Variants in CEP63 observed in about 807,000 individuals in gnomAD.
The protein encoded by CEP63 is centrosomal protein 63.
In CEP63, 84 loss-of-function variants were observed where a neutral mutation model predicts 89.1. That is an observed-to-expected ratio of 0.94 (90% CI 0.79 to 1.13). The LOEUF is 1.13. Ranked by LOEUF, CEP63 falls within the 50% of genes most tolerant of loss-of-function variation. The pLI is 0.00. For missense variants in CEP63, 838 were observed against 813.3 expected, an observed-to-expected ratio of 1.03 and a Z score of -0.37; for synonymous variants, 267 against 272.5, an observed-to-expected ratio of 0.98 and a Z score of 0.20.
chr3:134,778,916 G>C, the CEP63 span, among the ~76,000 whole-genome samples: 1 of 152,128 alleles, frequency 6.6e-6, no homozygotes, highest in Admixed American at 6.6e-5. Context: ...CTTCTTATGT[G>C]GCTCCATGGT....
the CEP63 span, among the ~76,000 whole-genome samples, chr3:134,756,383 G>A: frequency 1.3e-5 from 2 of 152,168 alleles, no homozygotes; most frequent in Non-Finnish European, 2.9e-5. Context: ...TCACTCTGTT[G>A]CCCAGGCAGG....
the CEP63 span, among the ~76,000 whole-genome samples, chr3:134,614,292 T>C: frequency 1.1e-4 from 17 of 152,184 alleles, no homozygotes; most frequent in East Asian, 9.6e-4. Flanking sequence ...AGGAGATTTA[T>C]TTAATGACCT....
chr3:134,717,048 G>A, the CEP63 span, among the ~76,000 whole-genome samples: 21 of 152,298 alleles, frequency 1.4e-4, no homozygotes, highest in East Asian at 4.1e-3. Context: ...AAAAGGCAGA[G>A]GCTTAGACTA....
the CEP63 span, chr3:134,620,618 T>G: frequency 4.5e-6 from 3 of 659,792 alleles, no homozygotes; most frequent in East Asian, 5.5e-5. Context: ...GGTTCATCAG[T>G]CCAGTCTTCT....
At chr3:134,605,796 G>T in the CEP63 span, among the ~76,000 whole-genome samples, 1 of 151,966 alleles carries the variant, frequency 6.6e-6, no homozygotes, top group Admixed American at 6.5e-5. Flanking sequence ...CTAGGCTGCT[G>T]GCCTCCACGC....
chr3:134,758,450 A>G, the CEP63 span, among the ~76,000 whole-genome samples: 1 of 152,192 alleles, frequency 6.6e-6, no homozygotes, highest in African/African-American at 2.4e-5. Context: ...GGATGGCTTT[A>G]CAGCAACATT....
the CEP63 span, chr3:134,610,177 A>C: frequency 6.2e-7 from 1 of 1,606,380 alleles, no homozygotes; most frequent in African/African-American, 1.3e-5. Context: ...GCCCAGCAGA[A>C]CTGAGACAAG....
chr3:134,584,974 T>TTTTTTTTTTTTTTTTTTTTTTTTTG (rs1958451757), intron 10 of CEP63, among the ~76,000 whole-genome samples: 3 of 149,470 alleles, frequency 2.0e-5, no homozygotes, highest in African/African-American at 2.5e-5. Flanking sequence ...TTTTTTTTTT[T>TTTTTTTTTTTTTTTTTTTTTTTTTG]GCATGGAGGT....
the CEP63 span, among the ~76,000 whole-genome samples, chr3:134,738,283 C>CACACAT: frequency 7.8e-6 from 1 of 127,412 alleles, no homozygotes; most frequent in Admixed American, 8.2e-5. Flanking sequence ...CACACACACA[C>CACACAT]ACACACCACA....
chr3:134,756,505 C>T, the CEP63 span, among the ~76,000 whole-genome samples: 3 of 152,158 alleles, frequency 2.0e-5, no homozygotes, highest in African/African-American at 7.2e-5. Context: ...AGGTGTGTGC[C>T]ACCACACCTG....
chr3:134,712,374 G>C, the CEP63 span, among the ~76,000 whole-genome samples: 1 of 129,454 alleles, frequency 7.7e-6, no homozygotes, highest in African/African-American at 2.5e-5. Context: ...TTTCTTAGGG[G>C]ACCCCCTTAG....
the CEP63 span, among the ~76,000 whole-genome samples, chr3:134,671,349 A>T: frequency 6.6e-6 from 1 of 152,228 alleles, no homozygotes; most frequent in East Asian, 1.9e-4. Context: ...GCAGGGTGGA[A>T]GCGGGCTGAG....
At chr3:134,521,654 A>G (rs1456526343) in intron 3 of CEP63, among the ~76,000 whole-genome samples, 1 of 152,046 alleles carries the variant, frequency 6.6e-6, no homozygotes, top group African/African-American at 2.4e-5. Context: ...GAACTCTTGT[A>G]GTAGGAAGTA....
chr3:134,761,125 C>T, the CEP63 span, among the ~76,000 whole-genome samples: 3 of 152,138 alleles, frequency 2.0e-5, no homozygotes, highest in African/African-American at 7.2e-5. Flanking sequence ...GAAGCAATTT[C>T]CATTGTCACT....
At chr3:134,668,499 G>A in the CEP63 span, among the ~76,000 whole-genome samples, 5 of 152,134 alleles carry the variant, frequency 3.3e-5, no homozygotes, top group Non-Finnish European at 5.9e-5. Context: ...TAGCCCCCAG[G>A]AATTGAGCCC....
chr3:134,545,971 CTT>C lies in CEP63; in HGVS notation c.789+154_789+155del, dbSNP rs942068287. 10 of 851,394 alleles carry C rather than the reference CTT, an allele frequency of 1.2e-5. No individual in the cohort carries two copies. In the African/African-American group the frequency reaches 1.7e-4, roughly 15 times the overall value. 52.7% of individuals were successfully genotyped at this position (851,394 alleles called of 1,614,324 possible). On this transcript the variant is annotated intron_variant, in intron 7 of 14. Transcript: ENST00000675561. ...ATTGATAGTTTTACTAATATTGTGA[CTT>C]TATTACAATATTTACAATATTGTAA...
At chr3:134,504,273 T>G (rs1413138514) in intron 2 of CEP63, among the ~76,000 whole-genome samples, 1 of 152,146 alleles carries the variant, frequency 6.6e-6, no homozygotes, top group Non-Finnish European at 1.5e-5. Flanking sequence ...GTAGGGCTGG[T>G]CTAGTGATGA....
the CEP63 span, chr3:134,615,535 G>A: frequency 6.7e-6 from 1 of 150,006 alleles, no homozygotes; most frequent in East Asian, 1.9e-4. Flanking sequence ...TGTTGCACCA[G>A]CTCTTTTGTA....
At chr3:134,559,800 A>G (rs1373729716) in intron 14 of CEP63, among the ~76,000 whole-genome samples, 1 of 152,214 alleles carries the variant, frequency 6.6e-6, no homozygotes, top group African/African-American at 2.4e-5. Context: ...AACTGCTGGA[A>G]AGGAGAAAGG....
Sources: allele counts gnomAD v4.1 joint callset (sites outside exome capture counted in the v4.1 genomes callset), GRCh38; gene constraint gnomAD v4.1.1; transcripts MANE v1.5; gene names NCBI Gene and HGNC (gene_info 2026-07-23, HGNC 2026-07-21).